MMS22L: variants seen among roughly 807,000 people sequenced by gnomAD.
MMS22L encodes protein MMS22-like.
MMS22L carries 74 observed loss-of-function variants against 159.1 expected under a neutral mutation model. That is an observed-to-expected ratio of 0.47 (90% confidence interval 0.39 to 0.56). The LOEUF is 0.56. Ranked by LOEUF, MMS22L falls within the 20% of genes least tolerant of loss-of-function variation. The pLI, the probability that MMS22L is intolerant of heterozygous loss-of-function variation, is 0.00. For missense variants in MMS22L, 1,351 were observed against 1,422.1 expected, an observed-to-expected ratio of 0.95 and a Z score of 0.80; for synonymous variants, 517 against 506.9, an observed-to-expected ratio of 1.02 and a Z score of -0.27.
intron 2 of MMS22L, among the ~76,000 whole-genome samples, chr6:97,281,597 C>T (rs550137161): frequency 1.3e-5 from 2 of 152,126 alleles, no homozygotes; most frequent in Admixed American, 6.5e-5. Context: ...GAAAAATCAA[C>T]AAGAATTCTA....
intron 6 of MMS22L, chr6:97,272,306 A>G (rs2128092910): frequency 6.5e-6 from 1 of 154,092 alleles, no homozygotes; most frequent in South Asian, 2.0e-4. Context: ...AGTTTTTTTT[A>G]TAAGCTGATC....
chr6:97,215,108 ATATATATT>A (rs1319713284), intron 14 of MMS22L, among the ~76,000 whole-genome samples: 1 of 80,976 alleles, frequency 1.2e-5, no homozygotes, highest in East Asian at 2.1e-4. Context: ...ATATATATAT[ATATATATT>A]TTTTTTTTGC....
At chr6:97,277,547 A>G (rs1474731612) in intron 4 of MMS22L, among the ~76,000 whole-genome samples, 2 of 151,932 alleles carry the variant, frequency 1.3e-5, no homozygotes, top group Non-Finnish European at 2.9e-5. Flanking sequence ...ACTCCAAACA[A>G]AACACACACA....
intron 14 of MMS22L, among the ~76,000 whole-genome samples, chr6:97,194,910 T>G (rs934119168): frequency 6.6e-6 from 1 of 152,058 alleles, no homozygotes; most frequent in Admixed American, 6.6e-5. Flanking sequence ...TTCTAAGCAG[T>G]AGGGTACAAA....
chr6:97,268,486 C>G (rs565775186), intron 7 of MMS22L, among the ~76,000 whole-genome samples: 11 of 152,160 alleles, frequency 7.2e-5, no homozygotes, highest in South Asian at 4.1e-4. Flanking sequence ...CCACGTCCAG[C>G]CCAAAAGTTT....
intron 8 of MMS22L, chr6:97,267,499 A>C (rs1815248838): frequency 6.5e-6 from 1 of 153,042 alleles, no homozygotes; most frequent in Non-Finnish European, 1.5e-5. Flanking sequence ...GTAAGCATTT[A>C]TTTTATTATT....
intron 16 of MMS22L, among the ~76,000 whole-genome samples, 153 bp from the exon 17 acceptor site, chr6:97,179,712 A>C (rs1357273714): frequency 2.0e-5 from 3 of 152,242 alleles, no homozygotes; most frequent in Non-Finnish European, 2.9e-5. Flanking sequence ...CATTGTTGAA[A>C]ATGAATACTA....
At chr6:97,190,421 A>G (rs1367478810) in intron 14 of MMS22L, among the ~76,000 whole-genome samples, 1 of 152,230 alleles carries the variant, frequency 6.6e-6, no homozygotes, top group Non-Finnish European at 1.5e-5. Flanking sequence ...CAGATTTCAC[A>G]TTAAGATCAG....
intron 8 of MMS22L, chr6:97,267,233 TA>T (rs1412944306): frequency 3.3e-5 from 5 of 152,260 alleles, no homozygotes; most frequent in African/African-American, 1.2e-4. Flanking sequence ...TGAAAAATTA[TA>T]AAACTCCTTT....
intron 11 of MMS22L, among the ~76,000 whole-genome samples, chr6:97,237,664 G>A (rs1811559569): frequency 6.6e-6 from 1 of 152,152 alleles, no homozygotes; most frequent in Non-Finnish European, 1.5e-5. Context: ...ACTGAGATCT[G>A]GGTTCTGATG....
intron 6 of MMS22L, chr6:97,272,344 A>C (rs1175571944): frequency 6.3e-6 from 1 of 159,548 alleles, no homozygotes; most frequent in Non-Finnish European, 1.4e-5. Flanking sequence ...ATATGATAAA[A>C]ATTTCAGAAA....
intron 14 of MMS22L, among the ~76,000 whole-genome samples, chr6:97,190,473 C>A (rs1805750914): frequency 6.6e-6 from 1 of 152,048 alleles, no homozygotes; most frequent in South Asian, 2.1e-4. Context: ...ACACATGTAA[C>A]CAGCTCTCTT....
At chr6:97,230,349 C>T (rs182586469) in intron 13 of MMS22L, 1 of 151,604 alleles carries the variant, frequency 6.6e-6, no homozygotes, top group African/African-American at 2.4e-5. Flanking sequence ...AAGTGATACG[C>T]CCACCTCAGC....
intron 14 of MMS22L, among the ~76,000 whole-genome samples, chr6:97,220,121 C>A (rs1039423292): frequency 2.0e-5 from 3 of 152,132 alleles, no homozygotes; most frequent in African/African-American, 7.2e-5. Flanking sequence ...CTGGCCTGAA[C>A]CCTCAATTGG....
At chr6:97,233,168 T>G (rs751301279) in intron 12 of MMS22L, among the ~76,000 whole-genome samples, 1 of 152,096 alleles carries the variant, frequency 6.6e-6, no homozygotes, top group Non-Finnish European at 1.5e-5. Context: ...TCTTCAACCC[T>G]TCATAGCCTA....
intron 8 of MMS22L, chr6:97,263,856 C>G (rs1814772359): frequency 6.5e-6 from 1 of 153,552 alleles, no homozygotes; most frequent in Non-Finnish European, 1.4e-5. Context: ...CTACAGGCGC[C>G]CACCACCACG....
rs188254272 is a variant in MMS22L, at chr6:97,187,488, T to G, written c.2040-798A>C. Among the ~76,000 whole-genome samples the G allele has an allele frequency of 4.6e-5, 7 of 152,272 alleles. No individual in the cohort carries two copies. In the East Asian group the frequency reaches 1.4e-3, roughly 29 times the overall value. On this transcript the variant is annotated intron_variant, in intron 14 of 24. Coordinates refer to ENST00000683635, the MANE Select transcript of MMS22L (RefSeq NM_001350599.2). ...GATAATATGATTATTTAAAACTAAA[T>G]GTACAACCATGCTATTATTCCTGTT...
intron 14 of MMS22L, among the ~76,000 whole-genome samples, chr6:97,209,396 T>C (rs1353635898): frequency 1.3e-5 from 2 of 152,018 alleles, no homozygotes; most frequent in Non-Finnish European, 1.5e-5. Flanking sequence ...AGAGAATATC[T>C]TGTGCTTTTC....
chr6:97,239,848 G>T (rs1353070427), intron 11 of MMS22L, among the ~76,000 whole-genome samples: 1 of 152,194 alleles, frequency 6.6e-6, no homozygotes, highest in East Asian at 1.9e-4. Context: ...CAAGGTTATA[G>T]TGAGCTATAA....
Sources: allele counts gnomAD v4.1 joint callset (sites outside exome capture counted in the v4.1 genomes callset), GRCh38; gene constraint gnomAD v4.1.1; transcripts MANE v1.5; gene names NCBI Gene and HGNC (gene_info 2026-07-23, HGNC 2026-07-21).